The following AMDHD1 variants were observed in gnomAD, a reference collection of about 807,000 sequenced individuals.
AMDHD1 encodes amidohydrolase domain containing 1.
A neutral mutation model predicts 44.1 loss-of-function variants in AMDHD1; 45 were observed. The ratio of observed to expected loss-of-function variants is 1.02; its 90% CI spans 0.80 to 1.31. AMDHD1 has a LOEUF of 1.31. Among genes scored for constraint, AMDHD1 ranks in the 50% most tolerant of loss-of-function variants. The pLI is 0.00. For missense variants in AMDHD1, 586 were observed against 552.1 expected, an observed-to-expected ratio of 1.06 and a Z score of -0.61; for synonymous variants, 206 against 205.0, an observed-to-expected ratio of 1.00 and a Z score of -0.04.
chr12:95,962,911 A>G (rs1458115307), intron 6 of AMDHD1, among the ~76,000 whole-genome samples: 1 of 152,220 alleles, frequency 6.6e-6, no homozygotes, highest in Non-Finnish European at 1.5e-5. Flanking sequence ...AGTGGGTACC[A>G]TAATTGCCAT....
chr12:95,953,883 C>T (rs1336473673), intron 2 of AMDHD1, among the ~76,000 whole-genome samples: 1 of 152,192 alleles, frequency 6.6e-6, no homozygotes, highest in East Asian at 1.9e-4. Context: ...GCCCGGCCTT[C>T]CTTATGATTC....
chr12:95,962,387 C>T lies in AMDHD1; in HGVS notation c.846C>T (p.Ser282=), dbSNP rs1417134663. ...LGAELGAQAI[S]HLEEVSDEGI... is the part of the protein sequence containing the mutation. ...CTGAACTGGGAGCGCAGGCAATCAG[C>T]CACCTGGAAGAAGTGAGTGATGAAG... Residue 282 remains serine (S), a synonymous_variant, in exon 6 of 9, where the codon AGC becomes AGT. Coordinates refer to ENST00000266736, the MANE Select transcript of AMDHD1 (RefSeq NM_152435.3). 1 of 1,613,768 alleles carries T rather than the reference C, an allele frequency of 6.2e-7. No homozygotes were observed. Among genetic ancestry groups the T allele is most frequent in the Middle Eastern group, 1.7e-4 (1 of 6,060 alleles).
chr12:95,960,664 CTTGCACATTCATG>C, intron 5 of AMDHD1, 41 bp downstream of exon 5: 1 of 1,572,804 alleles, frequency 6.4e-7, no homozygotes, highest in Non-Finnish European at 8.7e-7. Context: ...AACATTCATT[CTTGCACATTCATG>C]CTATGGGAAA....
chr12:95,959,532 C>T (rs951606324), intron 4 of AMDHD1, among the ~76,000 whole-genome samples: 3 of 152,060 alleles, frequency 2.0e-5, no homozygotes, highest in Non-Finnish European at 2.9e-5. Flanking sequence ...CCTCAGCCTC[C>T]CCAGTTGCTG....
chr12:95,950,964 A>T (rs2080523031), intron 1 of AMDHD1, among the ~76,000 whole-genome samples: 1 of 152,300 alleles, frequency 6.6e-6, no homozygotes, highest in African/African-American at 2.4e-5. Flanking sequence ...GTAAATTTTC[A>T]TGGGTACATA....
chr12:95,958,795 C>T (rs1222934190), intron 4 of AMDHD1, among the ~76,000 whole-genome samples: 1 of 152,186 alleles, frequency 6.6e-6, no homozygotes, highest in Non-Finnish European at 1.5e-5. Flanking sequence ...GTGGCACATA[C>T]CTGTAATCCC....
At chr12:95,951,953 T>G (rs1209637593) in intron 1 of AMDHD1, among the ~76,000 whole-genome samples, 1 of 152,254 alleles carries the variant, frequency 6.6e-6, no homozygotes, top group Non-Finnish European at 1.5e-5. Context: ...TATTGAGCTG[T>G]TTGAGCTCCT....
Position 95,943,504 on chromosome 12 carries a change from G to A in AMDHD1, c.106G>A (p.Val36Met). The part of the protein sequence containing the change: ...LARDALRSLA[V>M]LEGASLVVGK... ...GCGGGATGCGCTGCGCAGCCTGGCG[G>A]TGCTGGAAGGCGCCAGCCTGGTGGT... Residue 36 changes from valine to methionine, a missense_variant, in exon 1 of 9, where the codon GTG becomes ATG. Val to Met is a conservative substitution (Grantham distance 21). Coordinates refer to ENST00000266736, the MANE Select transcript of AMDHD1 (RefSeq NM_152435.3). 1 of 1,493,192 alleles carries A rather than the reference G, an allele frequency of 6.7e-7. No individual in the cohort carries two copies. Among genetic ancestry groups the A allele is most frequent in the Non-Finnish European group, 8.9e-7 (1 of 1,124,626 alleles). 92.5% of individuals were successfully genotyped at this position (1,493,192 alleles called of 1,614,324 possible). A position where few individuals can be genotyped will look rare whatever the true frequency, so the allele number is the denominator to read the frequency against.
Position 95,960,584 on chromosome 12 carries a change from C to T in AMDHD1, c.774C>T (p.Asn258=). ...GAAAAGATATAGGGTTACAGATTAA[C>T]TTCCATGGGGATGAACTCCACCCGA... is the stretch of plus-strand genomic sequence containing the variant. ...QRGKDIGLQI[N]FHGDELHPMK... Residue 258 remains asparagine, a synonymous_variant, in exon 5 of 9, where the codon AAC becomes AAT. Coordinates refer to ENST00000266736, the MANE Select transcript of AMDHD1 (RefSeq NM_152435.3). 1 of 1,614,230 alleles carries T rather than the reference C, an allele frequency of 6.2e-7. No homozygotes were observed. The highest frequency in any genetic ancestry group is 8.5e-7 in the Non-Finnish European group (1 of 1,180,032).
At chr12:95,964,944 A>AAAAAAAAAG (rs1469708646) in intron 6 of AMDHD1, among the ~76,000 whole-genome samples, 1 of 149,614 alleles carries the variant, frequency 6.7e-6, no homozygotes, top group Non-Finnish European at 1.5e-5. Context: ...AAAAAAAAAA[A>AAAAAAAAAG]AAAAAAAGAG....
rs1592826173 is a variant in AMDHD1 at position 95,962,302 on chromosome 12, G to T, written c.814-53G>T. ...ACAAAGCAATTTAATGGAACTTCATGGATTCGTTGTTGCTATTTGTTAAAT... is the reference window on the plus strand; with the variant it reads ...ACAAAGCAATTTAATGGAACTTCATTGATTCGTTGTTGCTATTTGTTAAAT... On this transcript the variant is annotated intron_variant, in intron 5 of 8. Transcript: ENST00000266736. The T allele has an allele frequency of 1.9e-6, 3 of 1,573,934 alleles. No homozygotes were observed. In the South Asian group the frequency reaches 3.4e-5, roughly 18 times the overall value.
intron 8 of AMDHD1, among the ~76,000 whole-genome samples, chr12:95,967,277 C>A (rs554897212): frequency 1.3e-5 from 2 of 152,336 alleles, no homozygotes; most frequent in African/African-American, 4.8e-5. Flanking sequence ...GGGTCCCTCC[C>A]ACAATGTGGG....
intron 6 of AMDHD1, among the ~76,000 whole-genome samples, chr12:95,964,031 T>C (rs1197577866): frequency 1.1e-5 from 1 of 91,288 alleles, no homozygotes; most frequent in African/African-American, 3.6e-5. Flanking sequence ...AGATTCCATC[T>C]TAAAAAAAAA....
At chr12:95,948,349 G>T (rs1432660327) in intron 1 of AMDHD1, among the ~76,000 whole-genome samples, 4 of 64,694 alleles carry the variant, frequency 6.2e-5, no homozygotes, top group Admixed American at 1.5e-4. Context: ...CGCCCCGTCT[G>T]GGAGGGAGGT....
chr12:95,966,583 A>T, intron 8 of AMDHD1, 75 bp downstream of exon 8: 3 of 1,542,218 alleles, frequency 1.9e-6, no homozygotes, highest in Non-Finnish European at 2.7e-6. Context: ...TCCCTTTTCC[A>T]CTAATTATTA....
chr12:95,952,022 A>G (rs969914185), intron 1 of AMDHD1, among the ~76,000 whole-genome samples: 1 of 152,028 alleles, frequency 6.6e-6, no homozygotes, highest in Non-Finnish European at 1.5e-5. Flanking sequence ...ATTTTCTCCC[A>G]TTCTGTGGGT....
At chr12:95,960,335 T>A (rs769566351) in intron 4 of AMDHD1, 63 bp from the exon 5 acceptor site, 5 of 1,459,176 alleles carry the variant, frequency 3.4e-6, no homozygotes, top group Non-Finnish European at 4.7e-6. Flanking sequence ...AGTGCCAGAT[T>A]ACCCTGTCTT....
Position 95,966,490 on chromosome 12 carries a change from T to C in AMDHD1, c.1175T>C (p.Ile392Thr), listed in dbSNP as rs1565979979. The C allele has an allele frequency of 1.2e-6, 2 of 1,614,100 alleles. No homozygotes were observed. The highest frequency in any genetic ancestry group is 1.3e-5 in the African/African-American group (1 of 74,930). ...GAAGTTGGCAAACAGGGAGATCTCA[T>C]TATCATCAATTCATCCCGGTGAGTG... ...SLEVGKQGDL[I>T]IINSSRWEHL... Residue 392 changes from isoleucine to threonine, a missense_variant, in exon 8 of 9, where the codon ATT (isoleucine) becomes ACT (threonine). Transcript: ENST00000266736.
intron 4 of AMDHD1, among the ~76,000 whole-genome samples, chr12:95,957,177 A>T (rs1323540130): frequency 6.6e-6 from 1 of 152,206 alleles, no homozygotes; most frequent in Non-Finnish European, 1.5e-5. Flanking sequence ...GATAGAAGAG[A>T]TGTTTCAAGC....
Sources: allele counts gnomAD v4.1 joint callset (sites outside exome capture counted in the v4.1 genomes callset), GRCh38; gene constraint gnomAD v4.1.1; transcripts MANE v1.5; gene names NCBI Gene and HGNC (gene_info 2026-07-23, HGNC 2026-07-21).